NAV2: variants seen among roughly 807,000 people sequenced by gnomAD.
The protein encoded by NAV2 is helicase, APC down-regulated 1.
In NAV2, 54 loss-of-function variants were observed where a neutral mutation model predicts 223.2. The observed-to-expected ratio is 0.24, with a 90% confidence interval of 0.19 to 0.30. The LOEUF is 0.30. NAV2 is among the 10% of genes least tolerant of loss of function. The pLI is 1.00. For synonymous variants in NAV2, 1,279 were observed against 1,239.3 expected, an observed-to-expected ratio of 1.03 and a Z score of -0.67; for missense variants, 2,806 against 3,147.5, an observed-to-expected ratio of 0.89 and a Z score of 2.60.
At chr11:19,540,101 G>T (rs1425203886) in intron 1 of NAV2, among the ~76,000 whole-genome samples, 1 of 152,146 alleles carries the variant, frequency 6.6e-6, no homozygotes, top group Non-Finnish European at 1.5e-5. Context: ...TCCCTGAAGG[G>T]CCAGACTGAG....
chr11:19,827,350 C>T (rs1238879189), intron 1 of NAV2, among the ~76,000 whole-genome samples: 1 of 152,144 alleles, frequency 6.6e-6, no homozygotes, highest in Non-Finnish European at 1.5e-5. Flanking sequence ...CGAAAGCAAC[C>T]AGAGACCATA....
At chr11:19,989,041 G>A (rs2051072722) in intron 11 of NAV2, among the ~76,000 whole-genome samples, 1 of 152,214 alleles carries the variant, frequency 6.6e-6, no homozygotes, top group South Asian at 2.1e-4. Flanking sequence ...CCACATAAGA[G>A]AAGCAGCAAA....
At chr11:19,706,459 C>A (rs2049665587) in intron 1 of NAV2, among the ~76,000 whole-genome samples, 1 of 152,140 alleles carries the variant, frequency 6.6e-6, no homozygotes. Flanking sequence ...TCCTTTGTGC[C>A]TGATTTATCA....
chr11:19,859,081 G>C (rs1305842578), intron 3 of NAV2, among the ~76,000 whole-genome samples: 1 of 150,742 alleles, frequency 6.6e-6, no homozygotes, highest in Non-Finnish European at 1.5e-5. Context: ...TTAGAGTCTT[G>C]TGGGCATCTG....
chr11:19,640,250 C>A (rs1026287048), intron 1 of NAV2, among the ~76,000 whole-genome samples: 9 of 152,222 alleles, frequency 5.9e-5, no homozygotes, highest in African/African-American at 2.2e-4. Flanking sequence ...GTTGTTTTGG[C>A]CAACAGATTT....
intron 1 of NAV2, among the ~76,000 whole-genome samples, chr11:19,473,060 G>C (rs1301971334): frequency 6.6e-6 from 1 of 152,200 alleles, no homozygotes; most frequent in Non-Finnish European, 1.5e-5. Context: ...ATGGAGCCCA[G>C]GTTCCAGAGT....
At chr11:19,555,453 G>A (rs552708953) in intron 1 of NAV2, among the ~76,000 whole-genome samples, 3 of 152,086 alleles carry the variant, frequency 2.0e-5, no homozygotes, top group African/African-American at 7.3e-5. Flanking sequence ...ACCTGGGGGG[G>A]GCTCTGGGCA....
chr11:19,786,815 C>T (rs138835568), intron 1 of NAV2, among the ~76,000 whole-genome samples: 76 of 152,280 alleles, frequency 5.0e-4, no homozygotes, highest in African/African-American at 1.8e-3. Context: ...GACACTTCTA[C>T]AAATTACCCA....
chr11:19,793,205 TCAAAAAAAAAAAA>T (rs2057648269), intron 1 of NAV2, among the ~76,000 whole-genome samples: 1 of 75,894 alleles, frequency 1.3e-5, no homozygotes, highest in African/African-American at 6.2e-5. Flanking sequence ...ACACTCTGTC[TCAAAAAAAAAAAA>T]AAAAAAAAAA....
intron 1 of NAV2, among the ~76,000 whole-genome samples, chr11:19,376,270 A>G (rs1183053978): frequency 6.6e-6 from 1 of 152,194 alleles, no homozygotes; most frequent in African/African-American, 2.4e-5. Context: ...GGATTTAAAA[A>G]ACAAACAAAC....
In NAV2 at chr11:20,114,765, G is replaced by GC. The variant is rs2062914419; in HGVS notation, c.7140dup (p.Ser2381GlnfsTer2). 1 of 1,613,826 alleles carries GC rather than the reference G, an allele frequency of 6.2e-7. No homozygotes were observed. The highest frequency in any genetic ancestry group is 8.5e-7 in the Non-Finnish European group (1 of 1,179,934). On this transcript the variant is annotated frameshift_variant, in exon 37 of 38. Transcript: ENST00000349880. LOFTEE classifies it high-confidence loss of function. ...GGGAGGGATCGACAAGCAAGCAGAT[G>GC]CCCCCCAGTGATGCTGAAGGTGACC...
At chr11:19,501,032 A>G (rs933260512) in intron 1 of NAV2, among the ~76,000 whole-genome samples, 2 of 152,092 alleles carry the variant, frequency 1.3e-5, no homozygotes, top group Admixed American at 1.3e-4. Context: ...TGTTTCCTTG[A>G]CATTTCCAGC....
chr11:19,629,870 G>A (rs988133461), intron 1 of NAV2, among the ~76,000 whole-genome samples: 2 of 152,124 alleles, frequency 1.3e-5, no homozygotes, highest in African/African-American at 4.8e-5. Flanking sequence ...CTCCAGCTCT[G>A]GCTAAGTCCT....
chr11:19,486,659 G>A (rs1399954550), intron 1 of NAV2, among the ~76,000 whole-genome samples: 1 of 152,172 alleles, frequency 6.6e-6, no homozygotes, highest in Non-Finnish European at 1.5e-5. Flanking sequence ...CCCCAAACAT[G>A]TGGAACTGTG....
At chr11:19,719,656 C>T (rs184963956) in intron 1 of NAV2, among the ~76,000 whole-genome samples, 104 of 152,334 alleles carry the variant, frequency 6.8e-4, no homozygotes, top group African/African-American at 2.3e-3. Context: ...GTTCTTTCCA[C>T]CCTACCTCTC....
At chr11:19,453,175 T>C (rs1474456893) in intron 1 of NAV2, among the ~76,000 whole-genome samples, 1 of 152,214 alleles carries the variant, frequency 6.6e-6, no homozygotes, top group Non-Finnish European at 1.5e-5. Context: ...CCTCTCAATT[T>C]AGACAGCAGA....
chr11:19,689,388 T>C (rs959668846), intron 1 of NAV2, among the ~76,000 whole-genome samples: 3 of 151,860 alleles, frequency 2.0e-5, no homozygotes, highest in Non-Finnish European at 2.9e-5. Flanking sequence ...GGAGGAAAAG[T>C]TGGGGAAGAG....
At chr11:19,487,367 A>C (rs146978254) in intron 1 of NAV2, among the ~76,000 whole-genome samples, 3 of 152,330 alleles carry the variant, frequency 2.0e-5, no homozygotes, top group African/African-American at 7.2e-5. Context: ...AACATTTGAC[A>C]CGTTTCCAAT....
In NAV2 at chr11:20,119,797, G is replaced by A. The variant is rs1211817763; in HGVS notation, c.*1539G>A. The A allele has an allele frequency of 6.6e-6, 1 of 152,108 alleles. No homozygotes were observed. The highest frequency in any genetic ancestry group is 1.5e-5 in the Non-Finnish European group (1 of 67,988). 9.4% of individuals were successfully genotyped at this position (152,108 alleles called of 1,614,324 possible). ...TTTCTCATCCAAAAGACTCATTTGTGTGGATGCGTGACCATGGGAAAAAGA... is the reference window on the plus strand; with the variant it reads ...TTTCTCATCCAAAAGACTCATTTGTATGGATGCGTGACCATGGGAAAAAGA... On this transcript the variant is annotated 3_prime_UTR_variant, in exon 38 of 38. Coordinates refer to ENST00000349880, the MANE Select transcript of NAV2 (RefSeq NM_145117.5).
Sources: gnomAD v4.1 joint callset for allele counts (sites outside exome capture counted in the v4.1 genomes callset) on GRCh38, gnomAD v4.1.1 for gene constraint, MANE v1.5 for transcripts, NCBI Gene and HGNC (gene_info 2026-07-23, HGNC 2026-07-21) for gene names.